The following GLCCI1 variants were observed in gnomAD, a reference collection of about 807,000 sequenced individuals.
GLCCI1 encodes the protein glucocorticoid induced 1, also known as glucocorticoid-induced transcript 1 protein.
Under a neutral mutation model 52.2 loss-of-function variants are expected in GLCCI1, and 24 were observed. That is an observed-to-expected ratio of 0.46 (90% CI 0.33 to 0.65). The LOEUF (loss-of-function observed/expected upper bound fraction) is 0.65, where lower values mean the gene tolerates loss of function less well. Ranked by LOEUF, GLCCI1 falls within the 30% of genes least tolerant of loss-of-function variation. GLCCI1 has a pLI of 0.02. For synonymous variants in GLCCI1, 310 were observed against 276.5 expected (o/e 1.12, Z -1.20); for missense variants, 704 against 701.5 (o/e 1.00, Z -0.04).
chr7:8,002,036 G>T (rs540999822), intron 1 of GLCCI1, among the ~76,000 whole-genome samples: 2 of 152,038 alleles, frequency 1.3e-5, no homozygotes, highest in African/African-American at 2.4e-5. Flanking sequence ...CATGGCACAT[G>T]TATACCTATG....
intron 6 of GLCCI1, among the ~76,000 whole-genome samples, chr7:8,075,972 G>A (rs1782868667): frequency 6.6e-6 from 1 of 151,764 alleles, no homozygotes; most frequent in Non-Finnish European, 1.5e-5. Context: ...TTGGTCTTAG[G>A]AGAAAAAAAT....
chr7:8,020,386 G>A (rs997768897), intron 2 of GLCCI1, among the ~76,000 whole-genome samples: 5 of 152,110 alleles, frequency 3.3e-5, no homozygotes, highest in Non-Finnish European at 7.4e-5. Context: ...GATTTCTTTT[G>A]TAGGTAATTC....
intron 3 of GLCCI1, among the ~76,000 whole-genome samples, chr7:8,041,080 T>C (rs971909610): frequency 7.2e-5 from 11 of 152,122 alleles, no homozygotes; most frequent in African/African-American, 2.7e-4. Flanking sequence ...AACCAAGCTG[T>C]GGATGCAAAG....
At chr7:7,971,269 C>G (rs1351924732) in intron 1 of GLCCI1, among the ~76,000 whole-genome samples, 1 of 152,154 alleles carries the variant, frequency 6.6e-6, no homozygotes, top group African/African-American at 2.4e-5. Context: ...ACAACGTGAT[C>G]GCCCTAATAA....
At chr7:7,978,682 A>T (rs1046115120) in intron 1 of GLCCI1, among the ~76,000 whole-genome samples, 1 of 152,158 alleles carries the variant, frequency 6.6e-6, no homozygotes, top group African/African-American at 2.4e-5. Context: ...AGTTTCTCAT[A>T]ACATTTCTTC....
At chr7:8,024,253 A>G (rs1457633729) in intron 3 of GLCCI1, among the ~76,000 whole-genome samples, 2 of 152,116 alleles carry the variant, frequency 1.3e-5, no homozygotes, top group South Asian at 2.1e-4. Context: ...TTTACTTATG[A>G]TTGTATTACA....
intron 6 of GLCCI1, among the ~76,000 whole-genome samples, chr7:8,073,201 T>G (rs1433688286): frequency 6.6e-6 from 1 of 152,152 alleles, no homozygotes; most frequent in African/African-American, 2.4e-5. Flanking sequence ...AAACCTGCAT[T>G]AATTCTCAAA....
chr7:8,052,819 T>A (rs1214501756), intron 3 of GLCCI1, among the ~76,000 whole-genome samples: 1 of 152,124 alleles, frequency 6.6e-6, no homozygotes, highest in Non-Finnish European at 1.5e-5. Flanking sequence ...TTCTCTTTTT[T>A]TCTTCCCAAA....
At chr7:8,083,104 C>G (rs1783032019) in intron 6 of GLCCI1, among the ~76,000 whole-genome samples, 1 of 152,264 alleles carries the variant, frequency 6.6e-6, no homozygotes, top group Admixed American at 6.5e-5. Context: ...CATGCCATAT[C>G]TACTTGTATT....
At position 8,060,088 on chromosome 7, in the gene GLCCI1, T is replaced by C. The variant is rs1782480211; in HGVS notation, c.814-8T>C. 3 of 1,605,008 alleles carry C rather than the reference T, an allele frequency of 1.9e-6. No homozygotes were observed. The highest frequency in any genetic ancestry group is 2.5e-6 in the Non-Finnish European group (3 of 1,176,970). ...ATAATTTGATACCACCTTTATCTTA[T>C]CTCATAGGCTACTGGATCAAGGTCA... On this transcript the variant is annotated splice_polypyrimidine_tract_variant and splice_region_variant and intron_variant, in intron 4 of 7. Transcript: ENST00000223145.
intron 1 of GLCCI1, among the ~76,000 whole-genome samples, chr7:7,973,916 T>C (rs1427429586): frequency 6.6e-6 from 1 of 152,090 alleles, no homozygotes; most frequent in African/African-American, 2.4e-5. Context: ...TAACTTTTTC[T>C]CTTTTAAAAG....
intron 2 of GLCCI1, among the ~76,000 whole-genome samples, chr7:8,017,241 T>C (rs1386404112): frequency 6.6e-6 from 1 of 152,196 alleles, no homozygotes. Context: ...GTGTGAAAAA[T>C]ATTTTTGGCC....
chr7:8,011,602 A>G (rs2115433032), intron 2 of GLCCI1, among the ~76,000 whole-genome samples: 1 of 152,312 alleles, frequency 6.6e-6, no homozygotes, highest in South Asian at 2.1e-4. Context: ...GCTGCTAGCA[A>G]CATTAGTGTG....
At chr7:8,051,099 A>C (rs544189480) in intron 3 of GLCCI1, among the ~76,000 whole-genome samples, 2 of 152,330 alleles carry the variant, frequency 1.3e-5, no homozygotes, top group Admixed American at 1.3e-4. Context: ...CAGAATGTGC[A>C]TCATCAGAGC....
intron 2 of GLCCI1, among the ~76,000 whole-genome samples, chr7:8,019,996 T>C (rs1032375475): frequency 6.6e-6 from 1 of 152,190 alleles, no homozygotes; most frequent in Admixed American, 6.5e-5. Context: ...CAAATACTTT[T>C]CTTTCTTCAG....
chr7:8,020,174 T>C (rs1042598665), intron 2 of GLCCI1, among the ~76,000 whole-genome samples: 6 of 152,166 alleles, frequency 3.9e-5, no homozygotes, highest in Admixed American at 2.0e-4. Context: ...TTTATTTATT[T>C]CCTTTTTAGA....
intron 1 of GLCCI1, among the ~76,000 whole-genome samples, chr7:7,992,115 C>G (rs1314626677): frequency 6.7e-6 from 1 of 148,286 alleles, no homozygotes; most frequent in Non-Finnish European, 1.5e-5. Flanking sequence ...GTTTCTCTCT[C>G]TCTCTCTCTC....
At position 7,969,592 on chromosome 7, in the gene GLCCI1, C is replaced by T. The variant is rs1420938531; in HGVS notation, c.242C>T (p.Thr81Met). The stretch of plus-strand genomic sequence containing the variant: ...TTGCGGGGCAGCCAGCACAGTCCCA[C>T]GCGTCCGCCCGTCGCCGCTGCCGCC... ...QLLRGSQHSP[T>M]RPPVAAAAAS... Residue 81 changes from threonine to methionine, a missense_variant, in exon 1 of 8, where the codon ACG (threonine) becomes ATG (methionine). Around this residue, in one of 3 missense-constraint regions of GLCCI1, gnomAD observed 547 missense variants for 524.8 expected, o/e 1.04. Transcript: ENST00000223145. The surrounding 1 kb of genome is among the most constrained non-coding windows in gnomAD (Gnocchi z 4.9). The T allele has an allele frequency of 2.5e-5, 26 of 1,035,356 alleles. No homozygotes were observed. The highest frequency in any genetic ancestry group is 3.4e-5 in the South Asian group (1 of 29,126). 64.1% of individuals were successfully genotyped at this position (1,035,356 alleles called of 1,614,324 possible). A position where few individuals can be genotyped will look rare whatever the true frequency, so the allele number is the denominator to read the frequency against.
At chr7:8,023,363 T>A (rs1486708412) in intron 3 of GLCCI1, among the ~76,000 whole-genome samples, 1 of 152,146 alleles carries the variant, frequency 6.6e-6, no homozygotes, top group Non-Finnish European at 1.5e-5. Flanking sequence ...TAATCCATGC[T>A]TCTCAGAAAC....
Sources: allele counts gnomAD v4.1 joint callset (sites outside exome capture counted in the v4.1 genomes callset), GRCh38; gene constraint gnomAD v4.1.1; regional missense constraint gnomAD v4.1.1; non-coding constraint Gnocchi (gnomAD v3.1); transcripts MANE v1.5; gene names NCBI Gene and HGNC (gene_info 2026-07-23, HGNC 2026-07-21).